Variants in FSHB observed in about 807,000 individuals in gnomAD.
The protein encoded by FSHB is follitropin subunit beta.
Under a neutral mutation model 12.1 loss-of-function variants are expected in FSHB, and 8 were observed. The observed-to-expected ratio is 0.66, with a 90% CI of 0.39 to 1.19. The LOEUF (loss-of-function observed/expected upper bound fraction) is 1.19, where lower values mean the gene tolerates loss of function less well. Among genes scored for constraint, FSHB ranks in the 50% most tolerant of loss-of-function variants. FSHB has a pLI of 0.01. For missense variants in FSHB, 153 were observed against 157.2 expected (o/e 0.97, Z 0.14); for synonymous variants, 55 against 54.6 (o/e 1.01, Z -0.04).
intron 1 of FSHB, among the ~76,000 whole-genome samples, chr11:30,231,562 A>G (rs1200306362): frequency 2.0e-5 from 3 of 152,220 alleles, no homozygotes; most frequent in African/African-American, 7.2e-5. Context: ...TGGAAGAACA[A>G]ATATGATGAT....
At chr11:30,231,606 A>G (rs1852006799) in intron 1 of FSHB, among the ~76,000 whole-genome samples, 1 of 152,276 alleles carries the variant, frequency 6.6e-6, no homozygotes, top group Non-Finnish European at 1.5e-5. Flanking sequence ...TATGACAGTC[A>G]GCAATAAGAT....
At chr11:30,231,320 C>T (rs928519696) in intron 1 of FSHB, among the ~76,000 whole-genome samples, 9 of 152,078 alleles carry the variant, frequency 5.9e-5, no homozygotes, top group African/African-American at 1.9e-4. Flanking sequence ...AAAATGAAGA[C>T]ATAATTTTGT....
chr11:30,231,826 G>T, intron 1 of FSHB, 40 bp from the exon 2 acceptor site: 1 of 1,548,912 alleles, frequency 6.5e-7, no homozygotes, highest in South Asian at 1.1e-5. Context: ...TTTTTGGTTT[G>T]GTCAGCTTAC....
In FSHB at chr11:30,231,036, C is replaced by T. The variant is rs1309661009; in HGVS notation, c.-50C>T. On this transcript the variant is annotated 5_prime_UTR_variant, in exon 1 of 3. Coordinates refer to ENST00000533718, the MANE Select transcript of FSHB (RefSeq NM_001382289.1). ...AGTCTACAGCTCTTGCCAGGCAAGG[C>T]AGCCGACCACAGGTGAGTCTTGGCA... is the stretch of plus-strand genomic sequence containing the variant. The T allele has an allele frequency of 6.6e-6, 1 of 152,192 alleles. No homozygotes were observed. Among genetic ancestry groups the T allele is most frequent in the Non-Finnish European group, 1.5e-5 (1 of 68,042 alleles). 9.4% of individuals were successfully genotyped at this position (152,192 alleles called of 1,614,324 possible).
intron 2 of FSHB, among the ~76,000 whole-genome samples, chr11:30,232,751 C>A (rs1852026048): frequency 6.6e-6 from 1 of 152,168 alleles, no homozygotes; most frequent in African/African-American, 2.4e-5. Flanking sequence ...CCCTAATTAT[C>A]TATGCAGAAT....
In FSHB at chr11:30,233,588, C is replaced by T. The variant is rs867468749; in HGVS notation, c.178C>T (p.Pro60Ser). ...TCCTCAGGATCTGGTGTATAAGGACCCAGCCAGGCCCAAAATCCAGAAAAC... is the reference window on the plus strand; with the variant it reads ...TCCTCAGGATCTGGTGTATAAGGACTCAGCCAGGCCCAAAATCCAGAAAAC... ...CYTRDLVYKDPARPKIQKTCT... is the reference protein window; with the variant it reads ...CYTRDLVYKDSARPKIQKTCT... Residue 60 changes from proline to serine, a missense_variant, in exon 3 of 3, where the codon CCA becomes TCA. Physicochemically the swap from Pro to Ser is moderately conservative, Grantham distance 74. Transcript: ENST00000533718. The T allele has an allele frequency of 1.2e-6, 2 of 1,613,722 alleles. No individual in the cohort carries two copies. Among genetic ancestry groups the T allele is most frequent in the South Asian group, 1.1e-5 (1 of 91,078 alleles).
At position 30,233,659 on chromosome 11, in the gene FSHB, C is replaced by T. The variant is rs779215894; in HGVS notation, c.249C>T (p.Gly83=). The T allele has an allele frequency of 1.9e-6, 3 of 1,614,052 alleles. No homozygotes were observed. The highest frequency in any genetic ancestry group is 2.2e-5 in the East Asian group (1 of 44,850). Residue 83 remains glycine, a synonymous_variant, in exon 3 of 3, where the codon GGC becomes GGT. Transcript: ENST00000533718. ...ELVYETVRVP[G]CAHHADSLYT... ...TATACGAAACAGTGAGAGTGCCCGG[C>T]TGTGCTCACCATGCAGATTCCTTGT...
In FSHB at chr11:30,233,657, G is replaced by C; in HGVS notation, c.247G>C (p.Gly83Arg). 4 of 1,613,978 alleles carry C rather than the reference G, an allele frequency of 2.5e-6. No individual in the cohort carries two copies. Among genetic ancestry groups the C allele is most frequent in the Non-Finnish European group, 2.5e-6 (3 of 1,179,946 alleles). The stretch of plus-strand genomic sequence containing the variant: ...GGTATACGAAACAGTGAGAGTGCCC[G>C]GCTGTGCTCACCATGCAGATTCCTT... ...ELVYETVRVP[G>R]CAHHADSLYT... The change falls in exon 3 of 3, where the codon GGC becomes CGC. Residue 83 changes from glycine (G) to arginine (R), a missense_variant. By Grantham distance (125) the Gly-to-Arg change is moderately radical (BLOSUM62 -2). Coordinates refer to ENST00000533718, the MANE Select transcript of FSHB (RefSeq NM_001382289.1).
chr11:30,232,434 A>G (rs1417224755), intron 2 of FSHB, among the ~76,000 whole-genome samples: 1 of 152,206 alleles, frequency 6.6e-6, no homozygotes, highest in East Asian at 1.9e-4. Context: ...TCTTTAACTG[A>G]CACTACATCT....
chr11:30,234,190 T>C lies in FSHB; in HGVS notation c.*390T>C, dbSNP rs1000412522. 3 of 288,178 alleles carry C rather than the reference T, an allele frequency of 1.0e-5. No homozygotes were observed. Among genetic ancestry groups the C allele is most frequent in the Non-Finnish European group, 2.0e-5 (3 of 146,686 alleles). The allele number at this position is 288,178 out of a possible 1,614,324, so 17.9% of individuals were successfully genotyped here. On this transcript the variant is annotated 3_prime_UTR_variant, in exon 3 of 3. Transcript: ENST00000533718. ...ACTGCAGCAGTCTTCTGGTAGACTC[T>C]TGGGCCCTCTAGAGCAAGGTCAGCA...
At chr11:30,232,089 G>C in intron 2 of FSHB, 28 bp downstream of exon 2, 2 of 1,611,834 alleles carry the variant, frequency 1.2e-6, no homozygotes, top group Non-Finnish European at 1.7e-6. Flanking sequence ...CTGGAAGCAA[G>C]GGTGTTGAAG....
chr11:30,234,494 T>G lies in FSHB; in HGVS notation c.*694T>G, dbSNP rs1191401046. ...ACAGAGCTCAAGATTTCCAAGCTATTACTACCAAGCCTGTTAGTTAAGGGC... is the reference window on the plus strand; with the variant it reads ...ACAGAGCTCAAGATTTCCAAGCTATGACTACCAAGCCTGTTAGTTAAGGGC... On this transcript the variant is annotated 3_prime_UTR_variant, in exon 3 of 3. Transcript: ENST00000533718. 2.6e-5 allele frequency: 4 copies of G among 152,792 alleles called. No individual in the cohort carries two copies. The allele number at this position is 152,792 out of a possible 1,614,324, so 9.5% of individuals were successfully genotyped here. A position where few individuals can be genotyped will look rare whatever the true frequency, so the allele number is the denominator to read the frequency against.
Position 30,231,979 on chromosome 11 carries a change from T to G in FSHB, c.77T>G (p.Ile26Ser), listed in dbSNP as rs779516679. ...TGCAATAGCTGTGAGCTGACCAACA[T>G]CACCATTGCAATAGAGAAAGAAGAA... ...ICCNSCELTN[I>S]TIAIEKEECR... is the part of the protein sequence containing the mutation. The change falls in exon 2 of 3, where the codon ATC becomes AGC. Residue 26 changes from isoleucine to serine, a missense_variant. Coordinates refer to ENST00000533718, the MANE Select transcript of FSHB (RefSeq NM_001382289.1). 3.1e-6 allele frequency: 5 copies of G among 1,613,952 alleles called. No homozygotes were observed. The South Asian group carries it at 5.5e-5, about 18-fold the overall frequency.
chr11:30,234,155 GAA>G lies in FSHB; in HGVS notation c.*357_*358del. 3.1e-6 allele frequency: 1 copy of G among 324,552 alleles called. No individual in the cohort carries two copies. The highest frequency in any genetic ancestry group is 2.8e-5 in the South Asian group (1 of 36,354). 20.1% of individuals were successfully genotyped at this position (324,552 alleles called of 1,614,324 possible). On this transcript the variant is annotated 3_prime_UTR_variant, in exon 3 of 3. Coordinates refer to ENST00000533718, the MANE Select transcript of FSHB (RefSeq NM_001382289.1). Reference sequence around the variant, plus strand: ...GGAGGAAGCAGTAATGGGAGTGAGTGAAAGAACTAACTGCAGCAGTCTTCTGG... The same window carrying G: ...GGAGGAAGCAGTAATGGGAGTGAGTGAGAACTAACTGCAGCAGTCTTCTGG...
intron 2 of FSHB, 127 bp downstream of exon 2, chr11:30,232,188 T>A (rs1284808331): frequency 2.1e-6 from 2 of 960,780 alleles, no homozygotes; most frequent in East Asian, 5.2e-5. Context: ...GCCAAGACTG[T>A]CTGTGTTGTG....
At chr11:30,233,512 T>G in intron 2 of FSHB, 58 bp from the exon 3 acceptor site, 1 of 1,373,742 alleles carries the variant, frequency 7.3e-7, no homozygotes, top group Non-Finnish European at 1.0e-6. Context: ...TCATTTTGAC[T>G]AAGCTAAATA....
At chr11:30,231,648 A>G (rs1852007914) in intron 1 of FSHB, among the ~76,000 whole-genome samples, 1 of 152,204 alleles carries the variant, frequency 6.6e-6, no homozygotes, top group South Asian at 2.1e-4. Flanking sequence ...TGCTTAAATC[A>G]TTATATTGGA....
In FSHB at chr11:30,231,894, C is replaced by A. The variant is rs762300472; in HGVS notation, c.-9C>A. The A allele has an allele frequency of 1.2e-6, 2 of 1,613,716 alleles. No homozygotes were observed. Among genetic ancestry groups the A allele is most frequent in the South Asian group, 2.2e-5 (2 of 91,060 alleles). On this transcript the variant is annotated 5_prime_UTR_variant, in exon 2 of 3. Transcript: ENST00000533718. ...CTAGTGGGCTTCATTGTTTGCTTCC[C>A]AGACCAGGATGAAGACACTCCAGTT...
chr11:30,231,786 T>C, intron 1 of FSHB, 80 bp from the exon 2 acceptor site: 1 of 1,112,242 alleles, frequency 9.0e-7, no homozygotes, highest in Non-Finnish European at 1.4e-6. Flanking sequence ...TGAAGCAAAA[T>C]GTGATTGAGG....
Sources: gnomAD v4.1 joint callset for allele counts (sites outside exome capture counted in the v4.1 genomes callset) on GRCh38, gnomAD v4.1.1 for gene constraint, MANE v1.5 for transcripts, NCBI Gene and HGNC (gene_info 2026-07-23, HGNC 2026-07-21) for gene names.